The following ATRNL1 variants were observed in gnomAD, a reference collection of about 807,000 sequenced individuals.
ATRNL1 encodes the protein attractin-like protein 1.
In ATRNL1, 95 loss-of-function variants were observed where a neutral mutation model predicts 182.7. That is an observed-to-expected ratio of 0.52 (90% CI 0.44 to 0.62). ATRNL1 has a LOEUF of 0.62. Ranked by LOEUF, ATRNL1 falls within the 20% of genes least tolerant of loss-of-function variation. The probability of loss-of-function intolerance (pLI) is 0.00; values close to 1 mark genes in which losing one functional copy is unlikely to be tolerated. For missense variants in ATRNL1, 1,471 were observed against 1,679.5 expected (o/e 0.88, Z 2.17); for synonymous variants, 576 against 568.3 (o/e 1.01, Z -0.19).
At chr10:115,415,960 A>C (rs2134356472) in intron 20 of ATRNL1, among the ~76,000 whole-genome samples, 1 of 152,100 alleles carries the variant, frequency 6.6e-6, no homozygotes, top group Middle Eastern at 3.4e-3. Context: ...GACTTTGAGT[A>C]TATTTTATAT....
At chr10:115,479,144 G>C (rs1315541542) in intron 24 of ATRNL1, among the ~76,000 whole-genome samples, 1 of 151,512 alleles carries the variant, frequency 6.6e-6, no homozygotes, top group Admixed American at 6.6e-5. Flanking sequence ...TTGAGGAATA[G>C]ATATCTTTGT....
chr10:115,131,935 TA>T (rs1220759403), intron 5 of ATRNL1, among the ~76,000 whole-genome samples: 3 of 152,180 alleles, frequency 2.0e-5, no homozygotes, highest in East Asian at 1.9e-4. Flanking sequence ...TTTTTATTTT[TA>T]TTTTTTTATT....
chr10:115,167,795 C>T (rs1428450940), intron 7 of ATRNL1, among the ~76,000 whole-genome samples: 2 of 151,918 alleles, frequency 1.3e-5, no homozygotes, highest in Admixed American at 6.6e-5. Flanking sequence ...TTTGTAACAG[C>T]CTTACTGAGA....
At chr10:115,714,508 G>A (rs907703731) in intron 26 of ATRNL1, among the ~76,000 whole-genome samples, 1 of 152,106 alleles carries the variant, frequency 6.6e-6, no homozygotes, top group Non-Finnish European at 1.5e-5. Flanking sequence ...CCTGTCAAAG[G>A]TTCTGCCAGG....
chr10:115,273,851 C>T (rs1554914039), intron 13 of ATRNL1, among the ~76,000 whole-genome samples: 1 of 152,136 alleles, frequency 6.6e-6, no homozygotes, highest in Non-Finnish European at 1.5e-5. Context: ...CCTTCAGGGC[C>T]TCCTTGAGCC....
chr10:115,539,551 T>C (rs782294383), intron 25 of ATRNL1, among the ~76,000 whole-genome samples: 5 of 152,224 alleles, frequency 3.3e-5, no homozygotes, highest in Non-Finnish European at 7.3e-5. Flanking sequence ...AACTTGGAAG[T>C]AACTACTATA....
At chr10:115,511,838 G>A (rs1554982736) in intron 24 of ATRNL1, among the ~76,000 whole-genome samples, 2 of 151,598 alleles carry the variant, frequency 1.3e-5, no homozygotes, top group Non-Finnish European at 2.9e-5. Context: ...GTATTATCAG[G>A]GTTACTGTAG....
chr10:115,324,592 A>G (rs781957327), intron 18 of ATRNL1, among the ~76,000 whole-genome samples: 2 of 152,222 alleles, frequency 1.3e-5, no homozygotes, highest in Non-Finnish European at 1.5e-5. Flanking sequence ...TAAGATTGCC[A>G]TATAAGCCTG....
At position 115,160,173 on chromosome 10, in the gene ATRNL1, TG is replaced by T; in HGVS notation, c.965del (p.Gly322AspfsTer13). The T allele has an allele frequency of 6.2e-7, 1 of 1,612,684 alleles. No individual in the cohort carries two copies. Among genetic ancestry groups the T allele is most frequent in the Non-Finnish European group, 8.5e-7 (1 of 1,179,092 alleles). ...ACGGGAAATTTATGTGGGTGATTGG[TG>T]GATATACTTTTAACTACAGTTCTTT... is the stretch of plus-strand genomic sequence containing the variant. Reference protein sequence around the residue: ...LHGKFMWVIGGYTFNYSSFQM... With the variant: ...LHGKFMWVIGXYTFNYSSFQM... On this transcript the variant is annotated frameshift_variant, in exon 6 of 29. Coordinates refer to ENST00000355044, the MANE Select transcript of ATRNL1 (RefSeq NM_207303.4). LOFTEE classifies it high-confidence loss of function.
At chr10:115,311,813 T>G (rs917419291) in intron 17 of ATRNL1, among the ~76,000 whole-genome samples, 1 of 152,150 alleles carries the variant, frequency 6.6e-6, no homozygotes, top group Non-Finnish European at 1.5e-5. Context: ...TATTTTAGAT[T>G]GTAATATCTT....
chr10:115,391,612 A>G (rs1226896563), intron 19 of ATRNL1, among the ~76,000 whole-genome samples: 2 of 136,212 alleles, frequency 1.5e-5, no homozygotes, highest in African/African-American at 6.2e-5. Context: ...TTTCTACACT[A>G]TTCAATGCAT....
At chr10:115,486,842 G>C (rs1442955236) in intron 24 of ATRNL1, among the ~76,000 whole-genome samples, 2 of 152,080 alleles carry the variant, frequency 1.3e-5, no homozygotes, top group Non-Finnish European at 2.9e-5. Context: ...TATTGCCCAG[G>C]TTTTCTTCTA....
rs561059439 is a variant in ATRNL1 at position 115,408,765 on chromosome 10, G to T, written c.3269+14013G>T. On this transcript the variant is annotated intron_variant, in intron 20 of 28. Coordinates refer to ENST00000355044, the MANE Select transcript of ATRNL1 (RefSeq NM_207303.4). Reference sequence around the variant, plus strand: ...TTTTGTATAGGGCAAGAGGTGAGGGGTCTAGTTTAATTCTAATGCATATGG... The same window carrying T: ...TTTTGTATAGGGCAAGAGGTGAGGGTTCTAGTTTAATTCTAATGCATATGG... 2.6e-5 allele frequency among the ~76,000 whole-genome samples: 4 copies of T among 152,178 alleles called. No homozygotes were observed. In the East Asian group the frequency reaches 5.8e-4, roughly 22 times the overall value.
At chr10:115,432,131 A>G (rs1429043924) in intron 21 of ATRNL1, among the ~76,000 whole-genome samples, 5 of 152,276 alleles carry the variant, frequency 3.3e-5, no homozygotes, top group African/African-American at 1.2e-4. Context: ...TTTTTAGCTT[A>G]ACACATCTAA....
At chr10:115,837,401 A>AAAT (rs1234291274) in intron 27 of ATRNL1, among the ~76,000 whole-genome samples, 2 of 151,206 alleles carry the variant, frequency 1.3e-5, no homozygotes, top group Non-Finnish European at 1.5e-5. Flanking sequence ...CTTGATTATA[A>AAAT]AATTAGGAAA....
At chr10:115,196,448 C>G (rs1554891065) in intron 8 of ATRNL1, among the ~76,000 whole-genome samples, 1 of 151,902 alleles carries the variant, frequency 6.6e-6, no homozygotes, top group African/African-American at 2.4e-5. Flanking sequence ...AATTTAGAAT[C>G]AACTTGTCAA....
chr10:115,738,154 T>TTTTTTTTTTTTTTTTTTTTGTTC (rs71010046), intron 27 of ATRNL1, among the ~76,000 whole-genome samples: 1 of 63,870 alleles, frequency 1.6e-5, no homozygotes, highest in Non-Finnish European at 3.3e-5. Context: ...TTTTTTTTTT[T>TTTTTTTTTTTTTTTTTTTTGTTC]TTGAGATGGA....
At chr10:115,682,050 G>A (rs1365665716) in intron 26 of ATRNL1, among the ~76,000 whole-genome samples, 1 of 152,094 alleles carries the variant, frequency 6.6e-6, no homozygotes, top group Non-Finnish European at 1.5e-5. Context: ...TTTTAGACTT[G>A]ATAGAGGTCT....
Position 115,729,495 on chromosome 10 carries a change from TTGTGTGTG to T in ATRNL1, c.3903+2174_3903+2181del, listed in dbSNP as rs139166434. 8.2e-3 allele frequency among the ~76,000 whole-genome samples: 1,168 copies of T among 142,104 alleles called. 31 individuals are homozygous for T. In the East Asian group the frequency reaches 0.1, roughly 12 times the overall value. The allele number at this position is 142,104 out of a possible 152,430, so 93.2% of individuals were successfully genotyped here. ...CAAGGCTTATTTCAGCTACCCCATT[TTGTGTGTG>T]TGTGTGTGTGTGTGTGTGTGTGTGT... On this transcript the variant is annotated intron_variant, in intron 27 of 28. Coordinates refer to ENST00000355044, the MANE Select transcript of ATRNL1 (RefSeq NM_207303.4).
Sources: allele counts gnomAD v4.1 joint callset (sites outside exome capture counted in the v4.1 genomes callset), GRCh38; gene constraint gnomAD v4.1.1; transcripts MANE v1.5; gene names NCBI Gene and HGNC (gene_info 2026-07-23, HGNC 2026-07-21).